Variants in TASP1 observed in about 807,000 individuals in gnomAD.
TASP1 encodes threonine aspartase 1.
Under a neutral mutation model 56.6 loss-of-function variants are expected in TASP1, and 16 were observed. The observed-to-expected ratio is 0.28, with a 90% CI of 0.19 to 0.43. TASP1 has a LOEUF of 0.43. Ranked by LOEUF, TASP1 falls within the 20% of genes least tolerant of loss-of-function variation. TASP1 has a pLI of 1.00. For synonymous variants in TASP1, 179 were observed against 184.2 expected (o/e 0.97, Z 0.23); for missense variants, 393 against 511.6 (o/e 0.77, Z 2.24).
Position 13,520,526 on chromosome 20 carries a change from G to A in TASP1, c.874+7907C>T, listed in dbSNP as rs144432706. On this transcript the variant is annotated intron_variant, in intron 10 of 13. Transcript: ENST00000337743. ...TGACAAAAACAAGAAATGGGGAAAC[G>A]ATTCCCTATTTAATAAATGGTGCTG... 5.0e-3 allele frequency among the ~76,000 whole-genome samples: 754 copies of A among 152,252 alleles called. 4 individuals are homozygous for A. The highest frequency in any genetic ancestry group is 0.016 in the African/African-American group (678 of 41,554).
chr20:13,596,828 C>T (rs1200669574), intron 4 of TASP1, among the ~76,000 whole-genome samples: 1 of 151,186 alleles, frequency 6.6e-6, no homozygotes, highest in Non-Finnish European at 1.5e-5. Context: ...CAAATAGATG[C>T]AATAAAAAAT....
chr20:13,558,338 G>T (rs1036750892), intron 8 of TASP1, among the ~76,000 whole-genome samples: 2 of 151,996 alleles, frequency 1.3e-5, no homozygotes, highest in African/African-American at 2.4e-5. Context: ...CCCTAAAAAC[G>T]CCTGAATACA....
chr20:13,359,986 G>A, the TASP1 span, among the ~76,000 whole-genome samples: 2 of 151,948 alleles, frequency 1.3e-5, no homozygotes, highest in Non-Finnish European at 2.9e-5. Flanking sequence ...GTTATCACTC[G>A]CCTGCTACAG....
At chr20:13,365,554 A>C in the TASP1 span, among the ~76,000 whole-genome samples, 1 of 152,140 alleles carries the variant, frequency 6.6e-6, no homozygotes, top group African/African-American at 2.4e-5. Context: ...AGAAAAGGAG[A>C]GCATCAGGAC....
At chr20:13,553,163 C>T (rs1326443192) in intron 8 of TASP1, among the ~76,000 whole-genome samples, 4 of 152,090 alleles carry the variant, frequency 2.6e-5, no homozygotes, top group Admixed American at 6.6e-5. Context: ...AGGCTGGTCT[C>T]GAAACTCCTA....
the TASP1 span, among the ~76,000 whole-genome samples, chr20:13,141,156 C>T: frequency 3.3e-5 from 5 of 152,212 alleles, no homozygotes; most frequent in Non-Finnish European, 1.5e-5. Flanking sequence ...GGAATTTTCT[C>T]TTTCCTACTG....
chr20:13,229,478 A>G, the TASP1 span, among the ~76,000 whole-genome samples: 1 of 152,100 alleles, frequency 6.6e-6, no homozygotes, highest in Admixed American at 6.6e-5. Context: ...TTTGAGATTC[A>G]TTTATTTTGT....
At chr20:13,535,531 C>G (rs1351648488) in intron 8 of TASP1, among the ~76,000 whole-genome samples, 1 of 152,148 alleles carries the variant, frequency 6.6e-6, no homozygotes, top group Non-Finnish European at 1.5e-5. Flanking sequence ...CTTTTAACCA[C>G]AGCTAGGGAA....
At chr20:13,191,922 G>A in the TASP1 span, among the ~76,000 whole-genome samples, 2 of 152,056 alleles carry the variant, frequency 1.3e-5, no homozygotes, top group Non-Finnish European at 2.9e-5. Flanking sequence ...AGCCTAATAA[G>A]ACCAAATACT....
chr20:13,427,627 A>C (rs1327268075), intron 12 of TASP1, among the ~76,000 whole-genome samples: 1 of 152,186 alleles, frequency 6.6e-6, no homozygotes, highest in Non-Finnish European at 1.5e-5. Flanking sequence ...TAAAGGAGGG[A>C]GAAAGCACAG....
chr20:13,569,453 A>G, intron 7 of TASP1, 54 bp downstream of exon 7: 4 of 1,357,984 alleles, frequency 2.9e-6, no homozygotes, highest in South Asian at 1.2e-5. Flanking sequence ...AAGCAATATT[A>G]TACTTTAGGT....
At chr20:13,513,071 T>A (rs955092045) in intron 10 of TASP1, among the ~76,000 whole-genome samples, 1 of 152,012 alleles carries the variant, frequency 6.6e-6, no homozygotes, top group Admixed American at 6.6e-5. Context: ...CTTAGGATTG[T>A]CTTGGCAATG....
At chr20:13,539,436 G>A (rs568630833) in intron 8 of TASP1, among the ~76,000 whole-genome samples, 19 of 152,110 alleles carry the variant, frequency 1.2e-4, no homozygotes, top group Admixed American at 5.9e-4. Flanking sequence ...TGTAGTCTGA[G>A]CTACTCAGGA....
chr20:13,113,721 G>C, the TASP1 span, among the ~76,000 whole-genome samples: 1 of 152,170 alleles, frequency 6.6e-6, no homozygotes, highest in Non-Finnish European at 1.5e-5. Flanking sequence ...GCTAGTGTTG[G>C]CAGAGGCCCA....
At chr20:13,320,362 T>C in the TASP1 span, among the ~76,000 whole-genome samples, 2 of 152,180 alleles carry the variant, frequency 1.3e-5, no homozygotes, top group African/African-American at 2.4e-5. Context: ...CCTAAAAGCA[T>C]TGACTTCACA....
At chr20:13,325,843 T>C in the TASP1 span, among the ~76,000 whole-genome samples, 1 of 152,170 alleles carries the variant, frequency 6.6e-6, no homozygotes, top group African/African-American at 2.4e-5. Context: ...AAGAAAACAT[T>C]GTTCTTTAAT....
chr20:13,167,964 CTGGTAAAA>C, the TASP1 span: 1 of 152,148 alleles, frequency 6.6e-6, no homozygotes, highest in African/African-American at 2.4e-5. Context: ...TGTATATATA[CTGGTAAAA>C]TTAATTTATT....
intron 11 of TASP1, among the ~76,000 whole-genome samples, chr20:13,440,792 A>C (rs755001448): frequency 1.3e-5 from 2 of 152,168 alleles, no homozygotes; most frequent in African/African-American, 2.4e-5. Flanking sequence ...TGAGTTTCAG[A>C]GAGGTTCAAT....
intron 11 of TASP1, among the ~76,000 whole-genome samples, chr20:13,457,490 A>C (rs917607249): frequency 2.0e-5 from 3 of 152,132 alleles, no homozygotes; most frequent in African/African-American, 7.2e-5. Flanking sequence ...ATTGTAGTAT[A>C]CTTAAAGGAT....
Sources: allele counts gnomAD v4.1 joint callset (sites outside exome capture counted in the v4.1 genomes callset), GRCh38; gene constraint gnomAD v4.1.1; transcripts MANE v1.5; gene names NCBI Gene and HGNC (gene_info 2026-07-23, HGNC 2026-07-21).